Variants in SNX14 observed in about 807,000 individuals in gnomAD.
The protein encoded by SNX14 is sorting nexin 14, also known as sorting nexin-14.
Under a neutral mutation model 133.8 loss-of-function variants are expected in SNX14, and 93 were observed. That is an observed-to-expected ratio of 0.70 (90% CI 0.59 to 0.83). The LOEUF (loss-of-function observed/expected upper bound fraction) is 0.83. SNX14 is among the 40% of genes least tolerant of loss of function. The probability of loss-of-function intolerance (pLI) is 0.00; values close to 1 mark genes in which losing one functional copy is unlikely to be tolerated. For missense variants in SNX14, 945 were observed against 1,094.9 expected (o/e 0.86, Z 1.93); for synonymous variants, 368 against 365.6 (o/e 1.01, Z -0.07).
chr6:85,579,850 C>T (rs146060282), intron 1 of SNX14, among the ~76,000 whole-genome samples: 2 of 152,298 alleles, frequency 1.3e-5, no homozygotes, highest in Non-Finnish European at 2.9e-5. Context: ...AGGACTGTAA[C>T]GCCTAGGCAA....
Position 85,507,974 on chromosome 6 carries a change from G to A in SNX14, c.2739C>T (p.Asn913=), listed in dbSNP as rs1292903916. The change falls in exon 27 of 29, where the codon AAC becomes AAT. Residue 913 remains asparagine (N), a synonymous_variant. Transcript: ENST00000314673. ...GAGCTTTAATGAGCTTTACCTGCTT[G>A]TTGAGTACTGGTTGCTGTAAGCCAT... ...LFDGLQQPVL[N]KQLTYVLLDI... The A allele has an allele frequency of 2.5e-6, 4 of 1,613,042 alleles. No individual in the cohort carries two copies. The highest frequency in any genetic ancestry group is 3.4e-6 in the Non-Finnish European group (4 of 1,179,448).
intron 6 of SNX14, among the ~76,000 whole-genome samples, chr6:85,564,572 C>T (rs1007729716): frequency 1.3e-5 from 2 of 151,980 alleles, no homozygotes; most frequent in Non-Finnish European, 2.9e-5. Context: ...TTCTACAAAC[C>T]AAGATAACTA....
intron 1 of SNX14, 121 bp downstream of exon 1, chr6:85,593,458 C>G: frequency 7.1e-7 from 1 of 1,403,970 alleles, no homozygotes; most frequent in Non-Finnish European, 9.4e-7. Flanking sequence ...CTGCGGAGCT[C>G]GCTCTCCCCA....
chr6:85,554,297 T>C (rs1343545248), intron 7 of SNX14, among the ~76,000 whole-genome samples: 2 of 151,964 alleles, frequency 1.3e-5, no homozygotes, highest in Non-Finnish European at 2.9e-5. Context: ...ATATTTCATA[T>C]ACACACATGT....
chr6:85,589,854 T>C (rs1802259849), intron 1 of SNX14, among the ~76,000 whole-genome samples: 1 of 152,230 alleles, frequency 6.6e-6, no homozygotes, highest in Non-Finnish European at 1.5e-5. Context: ...CAAACTTTCA[T>C]GATGTTCTCT....
rs541223488 is a variant in SNX14 at position 85,548,306 on chromosome 6, C to G, written c.862G>C (p.Asp288His). 1 of 1,604,688 alleles carries G rather than the reference C, an allele frequency of 6.2e-7. No homozygotes were observed. The highest frequency in any genetic ancestry group is 1.7e-5 in the Admixed American group (1 of 58,308). The part of the protein sequence containing the change: ...VFLPSLDFLA[D>H]PDTVNHLLII... Reference sequence around the variant, plus strand: ...AAAAAAATCTTAAGTCTTACTGGATCAGCTAGGAAATCCAAAGAAGGAAGG... The same window carrying G: ...AAAAAAATCTTAAGTCTTACTGGATGAGCTAGGAAATCCAAAGAAGGAAGG... Residue 288 changes from aspartate (D) to histidine (H), a missense_variant, in exon 9 of 29, where the codon GAT (aspartate) becomes CAT (histidine). By Grantham distance (81) the Asp-to-His change is moderately conservative (BLOSUM62 -1). Coordinates refer to ENST00000314673, the MANE Select transcript of SNX14 (RefSeq NM_153816.6).
chr6:85,514,604 T>C lies in SNX14; in HGVS notation c.2294A>G (p.Asn765Ser), dbSNP rs747632357. The change falls in exon 24 of 29, where the codon AAT becomes AGT. Residue 765 changes from asparagine (N) to serine (S), a missense_variant. By Grantham distance (46) the Asn-to-Ser change is conservative. Transcript: ENST00000314673. ...KKLFNDLFKN[N>S]ANRAENTERK... ...CTCTGTATTTTCAGCACGGTTTGCA[T>C]TATTTTTAAACAGATCATTGAAAAG... 1.9e-6 allele frequency: 3 copies of C among 1,612,278 alleles called. No homozygotes were observed. The highest frequency in any genetic ancestry group is 2.5e-6 in the Non-Finnish European group (3 of 1,179,008).
rs912489646 is a variant in SNX14 at position 85,590,470 on chromosome 6, C to A, written c.140+3109G>T. Among the ~76,000 whole-genome samples the A allele has an allele frequency of 7.2e-5, 11 of 152,198 alleles. No homozygotes were observed. In the South Asian group the frequency reaches 2.3e-3, roughly 32 times the overall value. On this transcript the variant is annotated intron_variant, in intron 1 of 28. Transcript: ENST00000314673. ...TAAACTTGCTTTTACAAAAAAACACCCACTCAGGAAGATATATTTAATACT... is the reference window on the plus strand; with the variant it reads ...TAAACTTGCTTTTACAAAAAAACACACACTCAGGAAGATATATTTAATACT...
chr6:85,520,831 C>T (rs576040624), intron 21 of SNX14, among the ~76,000 whole-genome samples: 17 of 152,250 alleles, frequency 1.1e-4, no homozygotes, highest in Admixed American at 7.8e-4. Flanking sequence ...GGGTATTCAA[C>T]GTTATGACTT....
At chr6:85,515,346 G>C (rs920815435) in intron 23 of SNX14, among the ~76,000 whole-genome samples, 1 of 150,104 alleles carries the variant, frequency 6.7e-6, no homozygotes, top group African/African-American at 2.5e-5. Flanking sequence ...TCCAGCGTTA[G>C]GTGAAATTTA....
At chr6:85,551,084 G>T (rs1272266908) in intron 7 of SNX14, among the ~76,000 whole-genome samples, 1 of 152,062 alleles carries the variant, frequency 6.6e-6, no homozygotes, top group Non-Finnish European at 1.5e-5. Context: ...CCTGGCCTCA[G>T]AATTCTTTAA....
intron 26 of SNX14, among the ~76,000 whole-genome samples, chr6:85,510,286 A>C (rs1772343793): frequency 6.6e-6 from 1 of 152,238 alleles, no homozygotes; most frequent in Non-Finnish European, 1.5e-5. Context: ...CATGTTCACC[A>C]GCAAATGGTG....
chr6:85,527,962 T>C lies in SNX14; in HGVS notation c.1995+300A>G, dbSNP rs533617243. Among the ~76,000 whole-genome samples the C allele has an allele frequency of 1.2e-3, 189 of 152,178 alleles. 1 individual carries two copies. The highest frequency in any genetic ancestry group is 4.2e-3 in the African/African-American group (175 of 41,528). On this transcript the variant is annotated intron_variant, in intron 20 of 28. Transcript: ENST00000314673. ...TCCAGTATTCTTCAAATGCATCTAA[T>C]CTTTTACACCAAGTTCCTTTTTTTA...
intron 14 of SNX14, 110 bp from the exon 15 acceptor site, chr6:85,542,153 A>C: frequency 9.4e-6 from 6 of 640,976 alleles, no homozygotes; most frequent in East Asian, 3.1e-5. Flanking sequence ...AAGCTATCTC[A>C]ATCAAGTGAA....
At chr6:85,543,039 A>G in intron 14 of SNX14, 143 bp downstream of exon 14, 1 of 805,220 alleles carries the variant, frequency 1.2e-6, no homozygotes, top group Non-Finnish European at 1.7e-6. Context: ...AAGTGCTGGG[A>G]TTATAGGCGT....
chr6:85,540,566 T>C (rs1783371754), intron 15 of SNX14, among the ~76,000 whole-genome samples: 1 of 152,236 alleles, frequency 6.6e-6, no homozygotes, highest in Non-Finnish European at 1.5e-5. Context: ...AGGAAAAAGT[T>C]ACAAAGTGGT....
chr6:85,520,820 T>C (rs894311941), intron 21 of SNX14, among the ~76,000 whole-genome samples: 1 of 152,232 alleles, frequency 6.6e-6, no homozygotes, highest in Admixed American at 6.5e-5. Flanking sequence ...CCTCATGATA[T>C]GGGTATTCAA....
intron 26 of SNX14, among the ~76,000 whole-genome samples, chr6:85,510,682 T>C (rs1772474072): frequency 6.6e-6 from 1 of 152,202 alleles, no homozygotes; most frequent in Non-Finnish European, 1.5e-5. Context: ...AACTAAGAAG[T>C]CATCGCCAAA....
chr6:85,559,504 G>T (rs1298428909), intron 6 of SNX14, among the ~76,000 whole-genome samples: 1 of 152,052 alleles, frequency 6.6e-6, no homozygotes, highest in African/African-American at 2.4e-5. Flanking sequence ...ATGATTCTTT[G>T]TTTTCATTAT....
Sources: allele counts gnomAD v4.1 joint callset (sites outside exome capture counted in the v4.1 genomes callset), GRCh38; gene constraint gnomAD v4.1.1; transcripts MANE v1.5; gene names NCBI Gene and HGNC (gene_info 2026-07-23, HGNC 2026-07-21).